CRYM: variants seen among roughly 807,000 people sequenced by gnomAD.
CRYM encodes the protein ketimine reductase mu-crystallin.
CRYM carries 18 observed loss-of-function variants against 32.9 expected under a neutral mutation model. That is an observed-to-expected ratio of 0.55 (90% CI 0.38 to 0.81). The LOEUF is 0.81. CRYM is among the 30% of genes least tolerant of loss of function. The pLI, the probability that CRYM is intolerant of heterozygous loss-of-function variation, is 0.00. For synonymous variants in CRYM, 153 were observed against 152.4 expected (o/e 1.00, Z -0.03); for missense variants, 337 against 393.5 (o/e 0.86, Z 1.21).
Position 21,278,202 on chromosome 16 carries a change from A to G in CRYM, c.50T>C (p.Leu17Pro). ...FLSAAEVEEHLRSSSLLIPPL... is the reference protein window; with the variant it reads ...FLSAAEVEEHPRSSSLLIPPL... ...CGGGATGAGGAGGCTGGAGCTGCGG[A>G]GGTGTTCCTCCACCTCGGCCGCGCT... Residue 17 changes from leucine to proline, a missense_variant, in exon 1 of 8, where the codon CTC (leucine) becomes CCC (proline). By Grantham distance (98) the Leu-to-Pro change is moderately conservative (BLOSUM62 -3). Coordinates refer to ENST00000572914, the MANE Select transcript of CRYM (RefSeq NM_001376256.1). 3.9e-6 allele frequency: 6 copies of G among 1,557,684 alleles called. No homozygotes were observed. The highest frequency in any genetic ancestry group is 2.4e-5 in the South Asian group (2 of 84,638).
chr16:21,292,520 A>G (rs1482543952), intron 1 of CRYM, among the ~76,000 whole-genome samples: 1 of 152,202 alleles, frequency 6.6e-6, no homozygotes, highest in African/African-American at 2.4e-5. Flanking sequence ...CGCTCAAAAC[A>G]ATCTCAATCA....
At chr16:21,290,097 T>A (rs1960591140) in intron 1 of CRYM, among the ~76,000 whole-genome samples, 1 of 151,732 alleles carries the variant, frequency 6.6e-6, no homozygotes, top group Non-Finnish European at 1.5e-5. Flanking sequence ...CAGCAGGATG[T>A]GGGTGGGGCC....
Position 21,275,614 on chromosome 16 carries a change from A to G in CRYM, c.325-20T>C. The G allele has an allele frequency of 3.7e-6, 6 of 1,604,448 alleles. No individual in the cohort carries two copies. Among genetic ancestry groups the G allele is most frequent in the Non-Finnish European group, 5.1e-6 (6 of 1,171,170 alleles). ...CATGACCTTGGAGGAAAAGAGAGAC[A>G]GTGAGCAAGGGGAACCCCTGTCCAC... On this transcript the variant is annotated intron_variant, in intron 2 of 7. Transcript: ENST00000572914.
rs2093360745 is a variant in CRYM at position 21,264,754 on chromosome 16, A to T, written c.674-2596T>A. ...ATTCCAAGTGAGAGAGGGATCCAAC[A>T]TAAGGGAGATTGTCTGTGGCTGGAT... On this transcript the variant is annotated intron_variant, in intron 5 of 7. Transcript: ENST00000572914. Among the ~76,000 whole-genome samples, 2 of 152,158 alleles carry T rather than the reference A, an allele frequency of 1.3e-5. 1 individual carries two copies. The highest frequency in any genetic ancestry group is 1.3e-4 in the Admixed American group (2 of 15,270).
chr16:21,274,441 A>C (rs1258105195), intron 3 of CRYM, among the ~76,000 whole-genome samples: 1 of 152,128 alleles, frequency 6.6e-6, no homozygotes, highest in East Asian at 1.9e-4. Flanking sequence ...ATCTTCACCT[A>C]ACATGTTATG....
rs2093389541 is a variant in CRYM, at chr16:21,277,591, G to A, written c.171-7C>T. ...GGGCATGACCCCCAGGTAGCTACAAGGAGAGAGGGAGCAGCTTCAGCCCCT... is the reference window on the plus strand; with the variant it reads ...GGGCATGACCCCCAGGTAGCTACAAAGAGAGAGGGAGCAGCTTCAGCCCCT... On this transcript the variant is annotated splice_region_variant and splice_polypyrimidine_tract_variant and intron_variant, in intron 1 of 7. Coordinates refer to ENST00000572914, the MANE Select transcript of CRYM (RefSeq NM_001376256.1). The surrounding 1 kb of genome is among the most constrained non-coding windows in gnomAD (Gnocchi z 4.2). 1 of 1,613,534 alleles carries A rather than the reference G, an allele frequency of 6.2e-7. No homozygotes were observed. The highest frequency in any genetic ancestry group is 2.2e-5 in the East Asian group (1 of 44,882).
At position 21,278,248 on chromosome 16, in the gene CRYM, T is replaced by C. The variant is rs1273092728; in HGVS notation, c.4A>G (p.Ser2Gly). The C allele has an allele frequency of 3.8e-6, 6 of 1,585,486 alleles. No individual in the cohort carries two copies. The highest frequency in any genetic ancestry group is 5.1e-6 in the Non-Finnish European group (6 of 1,169,686). The change falls in exon 1 of 8, where the codon AGC becomes GGC. Residue 2 changes from serine (S) to glycine (G), a missense_variant. Ser to Gly is a moderately conservative substitution (Grantham distance 56). Coordinates refer to ENST00000572914, the MANE Select transcript of CRYM (RefSeq NM_001376256.1). MSRVPAFLSAAE... is the reference protein window; with the variant it reads MGRVPAFLSAAE... ...GCGCTCAGGAACGCTGGTACCCGGC[T>C]CATCTCGCCACCTGTGCCTTCTAAC...
At chr16:21,282,734 A>T (rs2093400351), upstream of CRYM, among the ~76,000 whole-genome samples, 1 of 152,140 alleles carries the variant, frequency 6.6e-6, no homozygotes, top group African/African-American at 2.4e-5. Flanking sequence ...ATCATCTCAA[A>T]TCATCTTCCT....
chr16:21,276,821 C>A (rs553281544), intron 2 of CRYM, among the ~76,000 whole-genome samples: 1 of 152,282 alleles, frequency 6.6e-6, no homozygotes, highest in East Asian at 1.9e-4. Context: ...GTAAGTTGAA[C>A]ATAGTTGCTC....
At chr16:21,261,419 C>A in intron 6 of CRYM, 81 bp from the exon 7 acceptor site, 1 of 904,164 alleles carries the variant, frequency 1.1e-6, no homozygotes, top group South Asian at 1.3e-5. Context: ...CCAGGGAATT[C>A]CTGAATTGGA....
At chr16:21,301,230 A>G (rs1278544185) in intron 1 of CRYM, 1 of 152,496 alleles carries the variant, frequency 6.6e-6, no homozygotes, top group Non-Finnish European at 1.5e-5. Context: ...GAAGGTGACC[A>G]TGGCACACGA....
In CRYM at chr16:21,261,633, T is replaced by A. The variant is rs976330844; in HGVS notation, c.796-295A>T. ...CAGTGAGGAAATAGACATGCTGTTA[T>A]CTGAACATGCATGCCAGCAGCTCCC... is the stretch of plus-strand genomic sequence containing the variant. On this transcript the variant is annotated intron_variant, in intron 6 of 7. Transcript: ENST00000572914. 5.9e-6 allele frequency: 3 copies of A among 509,244 alleles called. No homozygotes were observed. The Admixed American group carries it at 9.8e-5, about 17-fold the overall frequency. The allele number at this position is 509,244 out of a possible 1,614,324, so 31.5% of individuals were successfully genotyped here.
intron 3 of CRYM, among the ~76,000 whole-genome samples, chr16:21,271,556 T>C (rs1213573571): frequency 1.3e-5 from 2 of 152,252 alleles, no homozygotes; most frequent in African/African-American, 2.4e-5. Context: ...GATACCATTC[T>C]GTGCCATAAA....
intron 3 of CRYM, among the ~76,000 whole-genome samples, chr16:21,270,909 C>T (rs971204902): frequency 4.6e-5 from 7 of 152,186 alleles, no homozygotes; most frequent in Non-Finnish European, 8.8e-5. Flanking sequence ...AGTGCCACCT[C>T]TCCAATGAAG....
In CRYM at chr16:21,258,794, G is replaced by GAGTTTATTT. The variant is rs757990110; in HGVS notation, c.931_932insAAATAAACT (p.Trp310_Ser311insTer). 1 of 1,613,808 alleles carries GAGTTTATTT rather than the reference G, an allele frequency of 6.2e-7. No individual in the cohort carries two copies. Among genetic ancestry groups the GAGTTTATTT allele is most frequent in the South Asian group, 1.1e-5 (1 of 91,050 alleles). Reference sequence around the variant, plus strand: ...AGTTCCTTTGTTTTATTTACCAGATGACCAGGAATCATAGATGAGTTTGGC... The same window carrying GAGTTTATTT: ...AGTTCCTTTGTTTTATTTACCAGATGAGTTTATTTACCAGGAATCATAGATGAGTTTGGC... On this transcript the variant is annotated stop_gained, in exon 8 of 8. Coordinates refer to ENST00000572914, the MANE Select transcript of CRYM (RefSeq NM_001376256.1). LOFTEE classifies it high-confidence loss of function.
intron 3 of CRYM, among the ~76,000 whole-genome samples, chr16:21,271,878 C>T (rs919615742): frequency 2.0e-5 from 3 of 150,772 alleles, no homozygotes; most frequent in Admixed American, 6.6e-5. Context: ...TTTTTTTTTC[C>T]GAGACAGTCT....
At chr16:21,265,079 T>C (rs1009382783) in intron 5 of CRYM, among the ~76,000 whole-genome samples, 1 of 152,202 alleles carries the variant, frequency 6.6e-6, no homozygotes, top group Admixed American at 6.5e-5. Flanking sequence ...CAAGTCCATC[T>C]TTCTGAAGAT....
intron 1 of CRYM, among the ~76,000 whole-genome samples, chr16:21,293,056 T>TAGATAGATAGATAGAA (rs1399977683): frequency 1.3e-5 from 2 of 151,348 alleles, no homozygotes; most frequent in East Asian, 3.9e-4. Flanking sequence ...GATAGATAGA[T>TAGATAGATAGATAGAA]AGAATAAGAT....
intron 7 of CRYM, among the ~76,000 whole-genome samples, chr16:21,259,806 C>A (rs1395430247): frequency 1.3e-5 from 2 of 152,190 alleles, no homozygotes; most frequent in African/African-American, 4.8e-5. Context: ...CTGCACCCAG[C>A]ACAGATAATT....
Sources: gnomAD v4.1 joint callset for allele counts (sites outside exome capture counted in the v4.1 genomes callset) on GRCh38, gnomAD v4.1.1 for gene constraint, Gnocchi (gnomAD v3.1) non-coding constraint, MANE v1.5 for transcripts, NCBI Gene and HGNC (gene_info 2026-07-23, HGNC 2026-07-21) for gene names.